The following MICU3 variants were observed in gnomAD, a reference collection of about 807,000 sequenced individuals.
MICU3 encodes the protein mitochondrial calcium uptake 3.
Under a neutral mutation model 66.5 loss-of-function variants are expected in MICU3, and 62 were observed. The observed-to-expected ratio is 0.93, with a 90% CI of 0.76 to 1.15. The LOEUF (loss-of-function observed/expected upper bound fraction) is 1.15. Ranked by LOEUF, MICU3 falls within the 50% of genes most tolerant of loss-of-function variation. The pLI, the probability that MICU3 is intolerant of heterozygous loss-of-function variation, is 0.00. For synonymous variants in MICU3, 308 were observed against 240.7 expected (o/e 1.28, Z -2.59); for missense variants, 779 against 664.4 (o/e 1.17, Z -1.90).
intron 9 of MICU3, among the ~76,000 whole-genome samples, chr8:17,100,224 C>T (rs10088889): frequency 0.29 from 43,689 of 150,450 alleles, 8,527 homozygotes; most frequent in African/African-American, 0.55. Flanking sequence ...TTTTTTTTCC[C>T]GGACAACTCA....
intron 9 of MICU3, among the ~76,000 whole-genome samples, chr8:17,099,952 G>T (rs975007656): frequency 1.3e-5 from 2 of 151,696 alleles, no homozygotes; most frequent in African/African-American, 4.8e-5. Context: ...TTTAAATCTT[G>T]GGAAGTTTAA....
At chr8:17,040,028 C>A (rs1261428850) in intron 1 of MICU3, among the ~76,000 whole-genome samples, 1 of 150,002 alleles carries the variant, frequency 6.7e-6, no homozygotes, top group Non-Finnish European at 1.5e-5. Flanking sequence ...TTGCCTTAGC[C>A]TCCTGAGTAG....
At chr8:17,054,251 C>A (rs1258770676) in intron 1 of MICU3, among the ~76,000 whole-genome samples, 2 of 151,890 alleles carry the variant, frequency 1.3e-5, no homozygotes, top group African/African-American at 4.8e-5. Flanking sequence ...ATTACATTTA[C>A]TAGGTAATAT....
chr8:17,029,417 A>C (rs1351202802), intron 1 of MICU3, among the ~76,000 whole-genome samples: 8 of 152,178 alleles, frequency 5.3e-5, no homozygotes, highest in Non-Finnish European at 1.2e-4. Flanking sequence ...CAGAGGTTGC[A>C]GTGAGCCGAA....
intron 8 of MICU3, among the ~76,000 whole-genome samples, chr8:17,090,962 T>G (rs538898218): frequency 6.6e-6 from 1 of 152,242 alleles, no homozygotes; most frequent in South Asian, 2.1e-4. Flanking sequence ...ATCCACCTTA[T>G]GTACAGTCTT....
rs187693505 is a variant in MICU3, at chr8:17,072,033, C to T, written c.567+2314C>T. On this transcript the variant is annotated intron_variant, in intron 3 of 14. Transcript: ENST00000318063. Reference sequence around the variant, plus strand: ...CCCAACCAAATTGATCCGAAATTAACTTTTAAAATTAATCTGGATGAGTAA... The same window carrying T: ...CCCAACCAAATTGATCCGAAATTAATTTTTAAAATTAATCTGGATGAGTAA... Among the ~76,000 whole-genome samples, 1,071 of 151,806 alleles carry T rather than the reference C, an allele frequency of 7.1e-3. 3 individuals carry two copies. Among genetic ancestry groups the T allele is most frequent in the Non-Finnish European group, 0.012 (802 of 67,936 alleles).
intron 9 of MICU3, among the ~76,000 whole-genome samples, chr8:17,103,925 G>C (rs1205317540): frequency 6.6e-6 from 1 of 151,706 alleles, no homozygotes; most frequent in Admixed American, 6.6e-5. Context: ...TGTGAAGCTT[G>C]GGACCTTTCT....
In MICU3 at chr8:17,103,380, C is replaced by G. The variant is rs545549702; in HGVS notation, c.985-1011C>G. Reference sequence around the variant, plus strand: ...GTATTTGTTTTCTGTCTTATGTTTTCTATGGAGTACTATAAGAGTTCTGGA... The same window carrying G: ...GTATTTGTTTTCTGTCTTATGTTTTGTATGGAGTACTATAAGAGTTCTGGA... On this transcript the variant is annotated intron_variant, in intron 9 of 14. Coordinates refer to ENST00000318063, the MANE Select transcript of MICU3 (RefSeq NM_181723.3). 7.2e-5 allele frequency among the ~76,000 whole-genome samples: 11 copies of G among 151,984 alleles called. No individual in the cohort carries two copies. In the East Asian group the frequency reaches 1.9e-3, roughly 27 times the overall value.
rs1811226077 is a variant in MICU3, at chr8:17,027,616, G to A, written c.337G>A (p.Gly113Ser). 9 of 1,310,394 alleles carry A rather than the reference G, an allele frequency of 6.9e-6. No individual in the cohort carries two copies. Among genetic ancestry groups the A allele is most frequent in the African/African-American group, 1.5e-5 (1 of 65,082 alleles). The allele number at this position is 1,310,394 out of a possible 1,614,324, so 81.2% of individuals were successfully genotyped here. A position where few individuals can be genotyped will look rare whatever the true frequency, so the allele number is the denominator to read the frequency against. Residue 113 changes from glycine to serine, a missense_variant, in exon 1 of 15, where the codon GGC becomes AGC. Gly to Ser is a moderately conservative substitution (Grantham distance 56, BLOSUM62 0). Coordinates refer to ENST00000318063, the MANE Select transcript of MICU3 (RefSeq NM_181723.3). ...AATEPEDPPR[G>S]RGMLPIPVAA... ...CACGGAGCCCGAGGACCCGCCCCGC[G>A]GCCGGGGGATGCTGCCCATCCCAGT...
chr8:17,093,864 A>G (rs948931603), intron 8 of MICU3, among the ~76,000 whole-genome samples: 2 of 152,016 alleles, frequency 1.3e-5, no homozygotes. Flanking sequence ...TTTAAAATAT[A>G]TTTTAGTTCA....
intron 8 of MICU3, among the ~76,000 whole-genome samples, chr8:17,097,636 A>G (rs1007001603): frequency 4.6e-5 from 7 of 151,866 alleles, no homozygotes; most frequent in South Asian, 4.1e-4. Context: ...TGAGTACACC[A>G]TGCAGCATTT....
chr8:17,036,651 C>T (rs1440633151), intron 1 of MICU3, among the ~76,000 whole-genome samples: 1 of 152,188 alleles, frequency 6.6e-6, no homozygotes, highest in Non-Finnish European at 1.5e-5. Context: ...CAGTCACAAA[C>T]CTTGAGCTAG....
At chr8:17,037,013 T>C (rs1229128788) in intron 1 of MICU3, among the ~76,000 whole-genome samples, 1 of 152,172 alleles carries the variant, frequency 6.6e-6, no homozygotes, top group African/African-American at 2.4e-5. Flanking sequence ...GCCCGTGGGC[T>C]GGCACTGCTG....
intron 12 of MICU3, among the ~76,000 whole-genome samples, chr8:17,114,756 A>G (rs1424462586): frequency 3.9e-5 from 6 of 151,952 alleles, no homozygotes; most frequent in Non-Finnish European, 8.8e-5. Context: ...TTCTTGCCCT[A>G]TGGGGACTTT....
chr8:17,070,495 A>G (rs1819394533), intron 3 of MICU3, among the ~76,000 whole-genome samples: 2 of 152,252 alleles, frequency 1.3e-5, no homozygotes, highest in Admixed American at 6.5e-5. Context: ...TCAAGAAAGT[A>G]TTCATCTTCA....
intron 1 of MICU3, among the ~76,000 whole-genome samples, chr8:17,052,635 A>C (rs1217024309): frequency 6.6e-6 from 1 of 152,182 alleles, no homozygotes; most frequent in East Asian, 1.9e-4. Flanking sequence ...AAGTACTATT[A>C]GCTTGTCTTC....
rs201188005 is a variant in MICU3 at position 17,041,276 on chromosome 8, A to G, written c.381+13616A>G. ...AAAGTTGGGTCAAGACAGGTTAAAA[A>G]AAAAAAAAAGTCAGGGGGCCATGGA... is the stretch of plus-strand genomic sequence containing the variant. On this transcript the variant is annotated intron_variant, in intron 1 of 14. Transcript: ENST00000318063. 2.0e-4 allele frequency among the ~76,000 whole-genome samples: 30 copies of G among 152,288 alleles called. No homozygotes were observed. In the East Asian group the frequency reaches 5.0e-3, roughly 25 times the overall value.
At chr8:17,130,622 G>A in the MICU3 span, among the ~76,000 whole-genome samples, 2 of 152,146 alleles carry the variant, frequency 1.3e-5, no homozygotes, top group African/African-American at 2.4e-5. Flanking sequence ...ACAGAAAGGG[G>A]TAAATAGAAG....
intron 1 of MICU3, among the ~76,000 whole-genome samples, chr8:17,058,006 C>T (rs1240678742): frequency 1.3e-5 from 2 of 152,130 alleles, no homozygotes; most frequent in Non-Finnish European, 2.9e-5. Flanking sequence ...CGCCACCACA[C>T]CTGGCTAATT....
Sources: gnomAD v4.1 joint callset for allele counts (sites outside exome capture counted in the v4.1 genomes callset) on GRCh38, gnomAD v4.1.1 for gene constraint, MANE v1.5 for transcripts, NCBI Gene and HGNC (gene_info 2026-07-23, HGNC 2026-07-21) for gene names.